The following P3H2 variants were observed in gnomAD, a reference collection of about 807,000 sequenced individuals.
The protein encoded by P3H2 is prolyl 3-hydroxylase 2, also known as leprecan-like 1.
P3H2 carries 80 observed loss-of-function variants against 87.0 expected under a neutral mutation model. The ratio of observed to expected loss-of-function variants is 0.92; its 90% CI spans 0.77 to 1.11. The LOEUF is 1.11. Ranked by LOEUF, P3H2 falls within the 50% of genes least tolerant of loss-of-function variation. The pLI is 0.00. For missense variants in P3H2, 1,001 were observed against 923.9 expected (o/e 1.08, Z -1.08); for synonymous variants, 367 against 359.3 (o/e 1.02, Z -0.24).
intron 1 of P3H2, among the ~76,000 whole-genome samples, chr3:190,095,663 TG>T (rs1369244002): frequency 1.3e-5 from 2 of 150,140 alleles, no homozygotes; most frequent in East Asian, 2.0e-4. Flanking sequence ...TGCAGTGGCG[TG>T]ATCTCGGCTC....
chr3:189,973,039 C>T lies in P3H2; in HGVS notation c.1549-15G>A, dbSNP rs181950137. On this transcript the variant is annotated splice_polypyrimidine_tract_variant and intron_variant, in intron 10 of 14. Transcript: ENST00000319332. ...TCATAACCAGACTGAAAAAAAAAAA[C>T]AAAACATGAGAAACAAATGGGTTCA... 4 of 1,595,178 alleles carry T rather than the reference C, an allele frequency of 2.5e-6. No individual in the cohort carries two copies. The South Asian group carries it at 3.4e-5, about 13-fold the overall frequency.
intron 8 of P3H2, among the ~76,000 whole-genome samples, chr3:189,976,357 C>T (rs1723347897): frequency 6.6e-6 from 1 of 152,178 alleles, no homozygotes; most frequent in Admixed American, 6.6e-5. Flanking sequence ...GGAGGCCTCA[C>T]AATCATGGTG....
In P3H2 at chr3:189,983,146, C is replaced by G; in HGVS notation, c.1230-6G>C. 2 of 1,611,290 alleles carry G rather than the reference C, an allele frequency of 1.2e-6. No individual in the cohort carries two copies. The highest frequency in any genetic ancestry group is 1.7e-6 in the Non-Finnish European group (2 of 1,177,844). On this transcript the variant is annotated splice_region_variant and splice_polypyrimidine_tract_variant and intron_variant, in intron 7 of 14. Coordinates refer to ENST00000319332, the MANE Select transcript of P3H2 (RefSeq NM_018192.4). Reference sequence around the variant, plus strand: ...CGTTCACTCCTGAAGGGACCCTGCCCATTCAAAAAATTTAAAATGGCAATT... The same window carrying G: ...CGTTCACTCCTGAAGGGACCCTGCCGATTCAAAAAATTTAAAATGGCAATT...
At chr3:190,056,305 C>G (rs1273698595) in intron 1 of P3H2, among the ~76,000 whole-genome samples, 2 of 152,170 alleles carry the variant, frequency 1.3e-5, no homozygotes, top group Non-Finnish European at 2.9e-5. Context: ...CAAGCTAATA[C>G]AGCTTGTTAA....
chr3:190,071,570 G>T (rs1166738246), intron 1 of P3H2, among the ~76,000 whole-genome samples: 1 of 152,154 alleles, frequency 6.6e-6, no homozygotes, highest in Non-Finnish European at 1.5e-5. Context: ...AAGCACAATT[G>T]TGCTGTTTTA....
chr3:190,067,783 A>T (rs1438327964), intron 1 of P3H2, among the ~76,000 whole-genome samples: 2 of 152,164 alleles, frequency 1.3e-5, no homozygotes, highest in African/African-American at 4.8e-5. Flanking sequence ...GTATACAAAA[A>T]TTATTTATCT....
intron 1 of P3H2, among the ~76,000 whole-genome samples, chr3:190,097,531 C>G (rs573614533): frequency 6.6e-6 from 1 of 152,186 alleles, no homozygotes; most frequent in South Asian, 2.1e-4. Flanking sequence ...GGGGCCAATT[C>G]AGACCTCCCT....
At chr3:190,080,643 C>A (rs1727013671) in intron 1 of P3H2, among the ~76,000 whole-genome samples, 1 of 152,048 alleles carries the variant, frequency 6.6e-6, no homozygotes, top group Admixed American at 6.6e-5. Flanking sequence ...CTCAGGTGAT[C>A]CTCCTGCCTC....
chr3:190,034,705 G>T (rs1230894515), intron 1 of P3H2, among the ~76,000 whole-genome samples: 3 of 152,138 alleles, frequency 2.0e-5, no homozygotes, highest in Non-Finnish European at 2.9e-5. Flanking sequence ...TAGTTTCTGT[G>T]TGGTGGTCAA....
At chr3:190,011,221 C>T (rs555782605) in intron 1 of P3H2, among the ~76,000 whole-genome samples, 6 of 149,100 alleles carry the variant, frequency 4.0e-5, no homozygotes, top group South Asian at 2.1e-4. Flanking sequence ...TGCAGTGAGC[C>T]GAGATTGCGC....
At chr3:190,048,265 G>A (rs1725866834) in intron 1 of P3H2, among the ~76,000 whole-genome samples, 1 of 152,210 alleles carries the variant, frequency 6.6e-6, no homozygotes, top group African/African-American at 2.4e-5. Flanking sequence ...GGAGGCTGAG[G>A]TGGGCAGATC....
intron 1 of P3H2, among the ~76,000 whole-genome samples, chr3:190,070,931 CT>C (rs1368227497): frequency 6.6e-6 from 1 of 152,136 alleles, no homozygotes; most frequent in Admixed American, 6.6e-5. Flanking sequence ...TGCACACAGT[CT>C]TTTTAAATGA....
intron 1 of P3H2, among the ~76,000 whole-genome samples, chr3:190,045,609 A>G (rs1368011480): frequency 6.6e-6 from 1 of 152,160 alleles, no homozygotes; most frequent in Non-Finnish European, 1.5e-5. Context: ...AAACACCAAT[A>G]TAAGTGTTTC....
At chr3:190,108,149 A>G (rs991612137) in intron 1 of P3H2, among the ~76,000 whole-genome samples, 4 of 151,162 alleles carry the variant, frequency 2.6e-5, no homozygotes, top group Non-Finnish European at 2.9e-5. Context: ...TTCACACACC[A>G]TAATTTTTTT....
intron 14 of P3H2, among the ~76,000 whole-genome samples, chr3:189,961,237 G>A (rs959963569): frequency 6.6e-6 from 1 of 152,078 alleles, no homozygotes; most frequent in Non-Finnish European, 1.5e-5. Context: ...CACCGTGCCC[G>A]GCCAAGGAAA....
intron 1 of P3H2, among the ~76,000 whole-genome samples, chr3:190,045,977 G>C (rs1725788258): frequency 6.6e-6 from 1 of 152,044 alleles, no homozygotes; most frequent in African/African-American, 2.4e-5. Flanking sequence ...ACAAAAATTA[G>C]CCAGCCGTGG....
At chr3:190,097,230 G>C (rs1727614570) in intron 1 of P3H2, among the ~76,000 whole-genome samples, 1 of 146,644 alleles carries the variant, frequency 6.8e-6, no homozygotes, top group Non-Finnish European at 1.6e-5. Flanking sequence ...ATGTGAAACT[G>C]AGTGCTGGAA....
chr3:190,043,151 G>GTGTA (rs1725692629), intron 1 of P3H2, among the ~76,000 whole-genome samples: 1 of 151,214 alleles, frequency 6.6e-6, no homozygotes, highest in African/African-American at 2.5e-5. Flanking sequence ...AGAAGCGTCT[G>GTGTA]TGTGTGTGTT....
intron 1 of P3H2, among the ~76,000 whole-genome samples, chr3:190,028,089 G>A (rs545873160): frequency 2.5e-4 from 38 of 152,014 alleles, no homozygotes; most frequent in Non-Finnish European, 4.1e-4. Context: ...CTGTCAATAA[G>A]TTCCCTCTAT....
Sources: allele counts gnomAD v4.1 joint callset (sites outside exome capture counted in the v4.1 genomes callset), GRCh38; gene constraint gnomAD v4.1.1; transcripts MANE v1.5; gene names NCBI Gene and HGNC (gene_info 2026-07-23, HGNC 2026-07-21).